Variants in BCL2L13 observed in about 807,000 individuals in gnomAD.
BCL2L13 encodes BCL2 like 13, also known as bcl-2-like protein 13.
In BCL2L13, 13 loss-of-function variants were observed where a neutral mutation model predicts 25.8. That is an observed-to-expected ratio of 0.50 (90% CI 0.33 to 0.80). BCL2L13 has a LOEUF of 0.80. Ranked by LOEUF, BCL2L13 falls within the 30% of genes least tolerant of loss-of-function variation. The pLI, the probability that BCL2L13 is intolerant of heterozygous loss-of-function variation, is 0.02. For synonymous variants in BCL2L13, 244 were observed against 230.3 expected (o/e 1.06, Z -0.54); for missense variants, 504 against 574.9 (o/e 0.88, Z 1.26).
intron 3 of BCL2L13, among the ~76,000 whole-genome samples, chr22:17,687,047 A>G (rs1245877679): frequency 6.6e-6 from 1 of 151,990 alleles, no homozygotes; most frequent in Admixed American, 6.6e-5. Context: ...AGCCATTTGC[A>G]TCTTTCTCGG....
intron 2 of BCL2L13, among the ~76,000 whole-genome samples, chr22:17,676,035 G>C (rs1440452875): frequency 6.6e-6 from 1 of 152,194 alleles, no homozygotes; most frequent in African/African-American, 2.4e-5. Flanking sequence ...ACAGAGATAA[G>C]GGGCCAGGAA....
intron 1 of BCL2L13, among the ~76,000 whole-genome samples, chr22:17,639,224 G>T (rs933939359): frequency 1.3e-5 from 2 of 151,464 alleles, no homozygotes; most frequent in African/African-American, 4.8e-5. Flanking sequence ...CCATTTTTAG[G>T]GCTAAACTGG....
At chr22:17,666,531 TTC>T (rs1305733591) in intron 2 of BCL2L13, among the ~76,000 whole-genome samples, 1 of 152,108 alleles carries the variant, frequency 6.6e-6, no homozygotes, top group Non-Finnish European at 1.5e-5. Flanking sequence ...CATCCTTATA[TTC>T]TCTGTGTCCA....
At chr22:17,669,969 C>G (rs1257301154) in intron 2 of BCL2L13, among the ~76,000 whole-genome samples, 1 of 152,176 alleles carries the variant, frequency 6.6e-6, no homozygotes, top group Non-Finnish European at 1.5e-5. Flanking sequence ...AGAAAATGGA[C>G]TAATACACAT....
intron 3 of BCL2L13, among the ~76,000 whole-genome samples, chr22:17,687,534 T>C (rs918002747): frequency 2.6e-5 from 4 of 151,998 alleles, no homozygotes; most frequent in Non-Finnish European, 4.4e-5. Flanking sequence ...TTCTTTTTTT[T>C]GAGCCAGAGT....
chr22:17,706,417 C>T (rs996693929), intron 6 of BCL2L13, among the ~76,000 whole-genome samples: 2 of 152,012 alleles, frequency 1.3e-5, no homozygotes, highest in Non-Finnish European at 2.9e-5. Flanking sequence ...TTTCTTGCCC[C>T]AGCTCTGCCA....
chr22:17,692,087 G>A (rs2060123855), intron 4 of BCL2L13, among the ~76,000 whole-genome samples: 1 of 152,170 alleles, frequency 6.6e-6, no homozygotes, highest in Non-Finnish European at 1.5e-5. Flanking sequence ...GTATCGTAAG[G>A]TAGAAAATAC....
intron 6 of BCL2L13, among the ~76,000 whole-genome samples, chr22:17,726,222 G>T (rs776328697): frequency 6.6e-6 from 1 of 152,084 alleles, no homozygotes; most frequent in Non-Finnish European, 1.5e-5. Flanking sequence ...GTGGTGGCAG[G>T]TGCCTATAAT....
intron 2 of BCL2L13, among the ~76,000 whole-genome samples, chr22:17,676,757 C>T (rs5747321): frequency 6.6e-6 from 1 of 152,090 alleles, no homozygotes; most frequent in African/African-American, 2.4e-5. Flanking sequence ...CAAATTACTT[C>T]TAAAGGGAAA....
chr22:17,715,173 T>C (rs1428190345), intron 6 of BCL2L13, among the ~76,000 whole-genome samples: 2 of 12,520 alleles, frequency 1.6e-4, no homozygotes, highest in Non-Finnish European at 3.5e-4. Context: ...TATATATATT[T>C]TTTTTTTTTT....
intron 1 of BCL2L13, among the ~76,000 whole-genome samples, chr22:17,640,290 G>C (rs1222423969): frequency 6.6e-6 from 1 of 152,140 alleles, no homozygotes; most frequent in East Asian, 1.9e-4. Context: ...TACTAGGAAT[G>C]GTCAGGTACT....
intron 2 of BCL2L13, among the ~76,000 whole-genome samples, chr22:17,675,512 T>A (rs1031770970): frequency 6.6e-6 from 1 of 152,224 alleles, no homozygotes; most frequent in Non-Finnish European, 1.5e-5. Flanking sequence ...AGCCTGGTTG[T>A]TATTTCTGTT....
At chr22:17,678,321 C>G (rs937690340) in intron 2 of BCL2L13, among the ~76,000 whole-genome samples, 1 of 152,146 alleles carries the variant, frequency 6.6e-6, no homozygotes, top group African/African-American at 2.4e-5. Flanking sequence ...CCACACCCAA[C>G]TGAAGTGAAG....
At chr22:17,649,109 T>G (rs985291507) in intron 1 of BCL2L13, among the ~76,000 whole-genome samples, 1 of 152,050 alleles carries the variant, frequency 6.6e-6, no homozygotes, top group Admixed American at 6.6e-5. Context: ...CAATTTTTTT[T>G]TTTTTTGGGA....
At chr22:17,641,148 C>T (rs2058268262) in intron 1 of BCL2L13, among the ~76,000 whole-genome samples, 1 of 152,084 alleles carries the variant, frequency 6.6e-6, no homozygotes, top group Non-Finnish European at 1.5e-5. Flanking sequence ...CCTCGGCCTC[C>T]CAAAGTGCTG....
At chr22:17,655,935 A>G (rs1025650880) in intron 2 of BCL2L13, 103 bp downstream of exon 2, 2 of 1,198,834 alleles carry the variant, frequency 1.7e-6, no homozygotes, top group African/African-American at 3.1e-5. Context: ...AATAGTACTA[A>G]TAAGCCTGTA....
In BCL2L13 at chr22:17,721,186, T is replaced by A. The variant is rs573883204; in HGVS notation, c.601-5491T>A. On this transcript the variant is annotated intron_variant, in intron 6 of 6. Coordinates refer to ENST00000317582, the MANE Select transcript of BCL2L13 (RefSeq NM_015367.4). The stretch of plus-strand genomic sequence containing the variant: ...CTCCGTCTCAAAAAAAAAAAATATA[T>A]ATATATTTCCACGTGCCCCACGCCG... Among the ~76,000 whole-genome samples the A allele has an allele frequency of 4.0e-3, 604 of 150,802 alleles. 7 individuals carry two copies. The highest frequency in any genetic ancestry group is 0.014 in the African/African-American group (571 of 40,944).
rs1266039236 is a variant in BCL2L13 at position 17,641,159 on chromosome 22, G to A, written c.-51+2273G>A. Among the ~76,000 whole-genome samples the A allele has an allele frequency of 3.3e-5, 5 of 152,162 alleles. No individual in the cohort carries two copies. In the East Asian group the frequency reaches 9.6e-4, roughly 29 times the overall value. On this transcript the variant is annotated intron_variant, in intron 1 of 6. Transcript: ENST00000317582. ...CCCGCCTCGGCCTCCCAAAGTGCTGGGATTACAGGCATGAGCCACTGCGCC... is the reference window on the plus strand; with the variant it reads ...CCCGCCTCGGCCTCCCAAAGTGCTGAGATTACAGGCATGAGCCACTGCGCC...
In BCL2L13 at chr22:17,726,669, G is replaced by A. The variant is rs768004043; in HGVS notation, c.601-8G>A. 16 of 1,599,686 alleles carry A rather than the reference G, an allele frequency of 1.0e-5. No individual in the cohort carries two copies. Among genetic ancestry groups the A allele is most frequent in the East Asian group, 9.0e-5 (4 of 44,550 alleles). ...TCTTTATTATTGACGCTTGTCCTTC[G>A]TTTCTAGGGCACTGTGTTTAGTCTT... On this transcript the variant is annotated splice_polypyrimidine_tract_variant and splice_region_variant and intron_variant, in intron 6 of 6. Coordinates refer to ENST00000317582, the MANE Select transcript of BCL2L13 (RefSeq NM_015367.4).
Sources: allele counts gnomAD v4.1 joint callset (sites outside exome capture counted in the v4.1 genomes callset), GRCh38; gene constraint gnomAD v4.1.1; transcripts MANE v1.5; gene names NCBI Gene and HGNC (gene_info 2026-07-23, HGNC 2026-07-21).